Variants in LRP1B observed in about 807,000 individuals in gnomAD.
LRP1B encodes LDL receptor related protein 1B, also known as low-density lipoprotein receptor-related protein 1B.
A neutral mutation model predicts 556.6 loss-of-function variants in LRP1B; 217 were observed. The observed-to-expected ratio is 0.39, with a 90% CI of 0.35 to 0.44. The LOEUF is 0.44. Ranked by LOEUF, LRP1B falls within the 20% of genes least tolerant of loss-of-function variation. The pLI is 1.00. For missense variants in LRP1B, 5,053 were observed against 5,620.8 expected, an observed-to-expected ratio of 0.90 and a Z score of 3.23; for synonymous variants, 2,047 against 1,865.8, an observed-to-expected ratio of 1.10 and a Z score of -2.50.
intron 41 of LRP1B, among the ~76,000 whole-genome samples, chr2:140,610,414 C>G (rs1252083799): frequency 4.6e-5 from 7 of 152,110 alleles, no homozygotes; most frequent in African/African-American, 1.7e-4. Context: ...AATGCAGGGT[C>G]TGCATATTTA....
chr2:141,146,901 C>CCCA (rs973021929), intron 7 of LRP1B, among the ~76,000 whole-genome samples: 15 of 152,228 alleles, frequency 9.9e-5, no homozygotes, highest in African/African-American at 3.6e-4. Flanking sequence ...AGCCTCTACT[C>CCCA]CCACCACCAC....
intron 2 of LRP1B, among the ~76,000 whole-genome samples, chr2:141,582,914 C>T (rs1687001256): frequency 7.4e-6 from 1 of 135,232 alleles, no homozygotes; most frequent in South Asian, 2.4e-4. Flanking sequence ...CGGCTCACTG[C>T]AACCTCCGCC....
chr2:141,390,020 C>G (rs2104903385), intron 3 of LRP1B, among the ~76,000 whole-genome samples: 1 of 152,222 alleles, frequency 6.6e-6, no homozygotes, highest in East Asian at 1.9e-4. Context: ...TGCCTGTAAT[C>G]CCAGCTACTC....
At chr2:140,428,172 A>C (rs1244805423) in intron 66 of LRP1B, among the ~76,000 whole-genome samples, 1 of 152,118 alleles carries the variant, frequency 6.6e-6, no homozygotes, top group Non-Finnish European at 1.5e-5. Context: ...CCCAACATTA[A>C]ATAAAACTCC....
intron 2 of LRP1B, among the ~76,000 whole-genome samples, chr2:141,742,492 G>A (rs996714996): frequency 6.6e-6 from 1 of 151,994 alleles, no homozygotes; most frequent in Admixed American, 6.6e-5. Context: ...GACCTCAGGT[G>A]ATTCACCCAC....
At chr2:141,187,036 A>T (rs895516127) in intron 7 of LRP1B, among the ~76,000 whole-genome samples, 3 of 152,162 alleles carry the variant, frequency 2.0e-5, no homozygotes, top group Non-Finnish European at 4.4e-5. Flanking sequence ...TGCAAGCAAT[A>T]TATTTCTCAA....
At chr2:141,278,610 G>C (rs994888200) in intron 3 of LRP1B, among the ~76,000 whole-genome samples, 1 of 152,094 alleles carries the variant, frequency 6.6e-6, no homozygotes, top group Non-Finnish European at 1.5e-5. Flanking sequence ...TGATGAGGGT[G>C]ATCTTTTCCC....
At chr2:140,706,850 C>T (rs1686857015) in intron 37 of LRP1B, among the ~76,000 whole-genome samples, 1 of 151,172 alleles carries the variant, frequency 6.6e-6, no homozygotes, top group African/African-American at 2.4e-5. Context: ...CTGTCACAGG[C>T]AGTTATACTC....
At chr2:140,511,646 T>C (rs1047020082) in intron 51 of LRP1B, among the ~76,000 whole-genome samples, 4 of 151,058 alleles carry the variant, frequency 2.6e-5, no homozygotes, top group Admixed American at 2.0e-4. Flanking sequence ...CCTTGACATA[T>C]ACCTTAGCCT....
At chr2:141,194,663 G>C (rs1038324256) in intron 6 of LRP1B, among the ~76,000 whole-genome samples, 5 of 152,082 alleles carry the variant, frequency 3.3e-5, no homozygotes, top group Non-Finnish European at 7.4e-5. Context: ...CCACAGCAAA[G>C]AAAACACTGT....
intron 5 of LRP1B, among the ~76,000 whole-genome samples, chr2:141,234,828 A>T (rs755222193): frequency 7.2e-5 from 11 of 152,202 alleles, no homozygotes; most frequent in Non-Finnish European, 1.5e-4. Context: ...AAAGTATTAC[A>T]GTATTCAAAT....
intron 47 of LRP1B, among the ~76,000 whole-genome samples, chr2:140,531,604 A>T (rs1272132406): frequency 3.3e-5 from 5 of 152,136 alleles, no homozygotes; most frequent in East Asian, 3.9e-4. Flanking sequence ...AACTCTGCAT[A>T]GTCCTCTCAT....
chr2:141,810,243 G>C (rs1463752797), intron 2 of LRP1B, 36 bp downstream of exon 2: 1 of 1,606,694 alleles, frequency 6.2e-7, no homozygotes, highest in Non-Finnish European at 8.5e-7. Flanking sequence ...TCACATGTAA[G>C]GTAAATCCGA....
chr2:141,171,434 T>C (rs766976924), intron 7 of LRP1B, among the ~76,000 whole-genome samples: 26 of 152,108 alleles, frequency 1.7e-4, no homozygotes, highest in Non-Finnish European at 3.7e-4. Context: ...TTTAGTTCCT[T>C]TAAATTTTTC....
chr2:141,097,685 A>C (rs1434954978), intron 7 of LRP1B, among the ~76,000 whole-genome samples: 2 of 152,312 alleles, frequency 1.3e-5, no homozygotes, highest in East Asian at 3.9e-4. Flanking sequence ...CTCCATTCAC[A>C]TAATAGTGTG....
intron 83 of LRP1B, among the ~76,000 whole-genome samples, chr2:140,303,012 C>CATATATATATATATATATATAT (rs59878403): frequency 1.2e-5 from 1 of 82,838 alleles, no homozygotes; most frequent in Non-Finnish European, 2.4e-5. Context: ...AAATCTCCTT[C>CATATATATATATATATATATAT]ATATATATAT....
intron 6 of LRP1B, among the ~76,000 whole-genome samples, chr2:141,215,042 C>A (rs561094193): frequency 3.9e-5 from 6 of 152,246 alleles, no homozygotes; most frequent in African/African-American, 1.4e-4. Context: ...AAATTGTAAT[C>A]CCCGATGTTG....
chr2:140,883,415 A>T lies in LRP1B; in HGVS notation c.4169+402T>A, dbSNP rs545557349. Among the ~76,000 whole-genome samples, 10 of 152,290 alleles carry T rather than the reference A, an allele frequency of 6.6e-5. No individual in the cohort carries two copies. In the South Asian group the frequency reaches 1.9e-3, roughly 28 times the overall value. On this transcript the variant is annotated intron_variant, in intron 25 of 90. Transcript: ENST00000389484. The stretch of plus-strand genomic sequence containing the variant: ...GGTGAAGTGGCTAACATCTGTGACT[A>T]TTTAGAACAAAGACTGGCCCTGTAG...
chr2:141,764,244 G>C (rs564180116), intron 2 of LRP1B, among the ~76,000 whole-genome samples: 1 of 151,934 alleles, frequency 6.6e-6, no homozygotes, highest in East Asian at 1.9e-4. Context: ...GCAGTGGGGC[G>C]ATCTCGGCTC....
Sources: gnomAD v4.1 joint callset for allele counts (sites outside exome capture counted in the v4.1 genomes callset) on GRCh38, gnomAD v4.1.1 for gene constraint, MANE v1.5 for transcripts, NCBI Gene and HGNC (gene_info 2026-07-23, HGNC 2026-07-21) for gene names.